MTDH: variants seen among roughly 807,000 people sequenced by gnomAD.
The protein encoded by MTDH is metadherin.
A neutral mutation model predicts 72.7 loss-of-function variants in MTDH; 34 were observed. The observed-to-expected ratio is 0.47, with a 90% confidence interval of 0.36 to 0.62. The LOEUF is 0.62. MTDH is among the 20% of genes least tolerant of loss of function. The pLI is 0.00. For missense variants in MTDH, 677 were observed against 699.4 expected (o/e 0.97, Z 0.36); for synonymous variants, 266 against 268.9 (o/e 0.99, Z 0.10).
chr8:97,664,907 C>T (rs1169986589), intron 2 of MTDH, among the ~76,000 whole-genome samples: 2 of 152,058 alleles, frequency 1.3e-5, no homozygotes, highest in Admixed American at 6.6e-5. Flanking sequence ...ATTATAGGCA[C>T]GCACCACCAC....
chr8:97,646,295 A>G (rs1228528619), intron 1 of MTDH, among the ~76,000 whole-genome samples: 6 of 152,226 alleles, frequency 3.9e-5, no homozygotes, highest in Non-Finnish European at 7.3e-5. Context: ...ATACATATGA[A>G]ACCTGGAAAA....
chr8:97,699,237 G>A (rs532753334), intron 6 of MTDH, among the ~76,000 whole-genome samples: 11 of 152,128 alleles, frequency 7.2e-5, no homozygotes, highest in East Asian at 3.9e-4. Context: ...GCAGTGAGCC[G>A]AGACTGTGCC....
intron 2 of MTDH, among the ~76,000 whole-genome samples, chr8:97,679,752 T>C (rs1027598896): frequency 6.6e-6 from 1 of 152,196 alleles, no homozygotes; most frequent in Non-Finnish European, 1.5e-5. Context: ...CTCAATTTTT[T>C]CCCATGGAAG....
intron 7 of MTDH, among the ~76,000 whole-genome samples, chr8:97,701,259 A>G (rs1479476758): frequency 6.6e-6 from 1 of 152,138 alleles, no homozygotes; most frequent in African/African-American, 2.4e-5. Context: ...TCAGGTACCA[A>G]AATCCCCAGG....
At chr8:97,709,363 C>T (rs1480931537) in intron 8 of MTDH, among the ~76,000 whole-genome samples, 1 of 152,018 alleles carries the variant, frequency 6.6e-6, no homozygotes, top group African/African-American at 2.4e-5. Context: ...TATATAATAC[C>T]TTAATACATA....
rs755272408 is a variant in MTDH at position 97,706,712 on chromosome 8, C to A, written c.1234C>A (p.Leu412Ile). The change falls in exon 8 of 12, where the codon CTT becomes ATT. Residue 412 changes from leucine to isoleucine, a missense_variant. Leu to Ile is a conservative substitution (Grantham distance 5). Around this residue, in one of 3 missense-constraint regions of MTDH, gnomAD observed 201 missense variants for 204.5 expected, o/e 0.98. Coordinates refer to ENST00000336273, the MANE Select transcript of MTDH (RefSeq NM_178812.4). Reference sequence around the variant, plus strand: ...TTGGGTAGACGAAGAAAGAGCTTCACTTCTAAAGTCCCAGGAACCAATTCC... The same window carrying A: ...TTGGGTAGACGAAGAAAGAGCTTCAATTCTAAAGTCCCAGGAACCAATTCC... ...GNWVDEERAS[L>I]LKSQEPIPDD... The A allele has an allele frequency of 6.2e-7, 1 of 1,613,882 alleles. No homozygotes were observed. The highest frequency in any genetic ancestry group is 1.1e-5 in the South Asian group (1 of 91,032).
intron 2 of MTDH, among the ~76,000 whole-genome samples, chr8:97,668,211 C>T (rs552087031): frequency 2.6e-5 from 4 of 152,086 alleles, no homozygotes; most frequent in African/African-American, 4.8e-5. Flanking sequence ...GGCATGAACC[C>T]GGGAGGCGGA....
rs1815412051 is a variant in MTDH, at chr8:97,727,707, A to G, written c.*3037A>G. The G allele has an allele frequency of 6.6e-6, 1 of 152,050 alleles. No individual in the cohort carries two copies. The allele number at this position is 152,050 out of a possible 1,614,324, so 9.4% of individuals were successfully genotyped here. A position where few individuals can be genotyped will look rare whatever the true frequency, so the allele number is the denominator to read the frequency against. ...GGAACCTTGCTCATGTTAGCAAGAA[A>G]GGTATCCTAGAGAAGCCACTCAAAA... is the stretch of plus-strand genomic sequence containing the variant. On this transcript the variant is annotated 3_prime_UTR_variant, in exon 12 of 12. Transcript: ENST00000336273.
intron 2 of MTDH, among the ~76,000 whole-genome samples, chr8:97,684,495 G>A (rs926511470): frequency 6.6e-6 from 1 of 152,146 alleles, no homozygotes; most frequent in African/African-American, 2.4e-5. Flanking sequence ...ACACCCCTTT[G>A]TTTATAAATT....
At chr8:97,682,210 G>A (rs1195638025) in intron 2 of MTDH, among the ~76,000 whole-genome samples, 5 of 102,616 alleles carry the variant, frequency 4.9e-5, no homozygotes. Flanking sequence ...TTATCGGGAT[G>A]GGTGTTCTTG....
chr8:97,689,551 T>TA (rs1337274772), intron 5 of MTDH, among the ~76,000 whole-genome samples: 1 of 152,130 alleles, frequency 6.6e-6, no homozygotes, highest in African/African-American at 2.4e-5. Context: ...GATTATAGGC[T>TA]AAAGTTTTTC....
At chr8:97,663,125 C>T (rs992560874) in intron 2 of MTDH, among the ~76,000 whole-genome samples, 1 of 152,014 alleles carries the variant, frequency 6.6e-6, no homozygotes, top group Non-Finnish European at 1.5e-5. Context: ...GGCTTTCTCT[C>T]TATTAGTGAG....
At chr8:97,708,263 CCTTTTTTTT>C (rs1814448518) in intron 8 of MTDH, among the ~76,000 whole-genome samples, 1 of 78,632 alleles carries the variant, frequency 1.3e-5, no homozygotes, top group Non-Finnish European at 2.3e-5. Flanking sequence ...CCATGCCAGG[CCTTTTTTTT>C]TTTTTTTTTT....
rs150323429 is a variant in MTDH at position 97,720,554 on chromosome 8, C to T, written c.1521+1365C>T. On this transcript the variant is annotated intron_variant, in intron 10 of 11. Transcript: ENST00000336273. ...TTGCGCCACTGCACTCCAGCCTGGGCGACAAAGTGAGACTTTGTGAAGAAG... is the reference window on the plus strand; with the variant it reads ...TTGCGCCACTGCACTCCAGCCTGGGTGACAAAGTGAGACTTTGTGAAGAAG... 5.5e-3 allele frequency among the ~76,000 whole-genome samples: 826 copies of T among 150,938 alleles called. 5 individuals are homozygous for T. Among genetic ancestry groups the T allele is most frequent in the African/African-American group, 0.018 (722 of 41,026 alleles).
At chr8:97,666,766 C>T (rs1469643695) in intron 2 of MTDH, among the ~76,000 whole-genome samples, 1 of 152,008 alleles carries the variant, frequency 6.6e-6, no homozygotes, top group East Asian at 1.9e-4. Context: ...GGCACGATCT[C>T]ACTCACTGCA....
intron 1 of MTDH, among the ~76,000 whole-genome samples, chr8:97,660,230 A>G (rs1165040237): frequency 6.6e-6 from 1 of 152,368 alleles, no homozygotes; most frequent in African/African-American, 2.4e-5. Context: ...GAGTCTACTC[A>G]TGAGCATCTC....
At chr8:97,663,983 A>T (rs1812276471) in intron 2 of MTDH, among the ~76,000 whole-genome samples, 1 of 151,944 alleles carries the variant, frequency 6.6e-6, no homozygotes, top group South Asian at 2.1e-4. Flanking sequence ...CCTCTCAGAA[A>T]CTCTGCCAGG....
At chr8:97,671,267 G>C (rs1466395940) in intron 2 of MTDH, among the ~76,000 whole-genome samples, 1 of 152,006 alleles carries the variant, frequency 6.6e-6, no homozygotes, top group Non-Finnish European at 1.5e-5. Flanking sequence ...GCACCCGGTG[G>C]GGGATAACAT....
intron 6 of MTDH, among the ~76,000 whole-genome samples, chr8:97,699,380 T>A (rs1050338855): frequency 1.3e-5 from 2 of 151,630 alleles, no homozygotes; most frequent in African/African-American, 4.8e-5. Context: ...GAGGCTGCAG[T>A]GAGCCACGAT....
Sources: allele counts gnomAD v4.1 joint callset (sites outside exome capture counted in the v4.1 genomes callset), GRCh38; gene constraint gnomAD v4.1.1; regional missense constraint gnomAD v4.1.1; transcripts MANE v1.5; gene names NCBI Gene and HGNC (gene_info 2026-07-23, HGNC 2026-07-21).